The following OSBPL1A variants were observed in gnomAD, a reference collection of about 807,000 sequenced individuals.
OSBPL1A encodes the protein oxysterol-binding protein-related protein 1.
In OSBPL1A, 80 loss-of-function variants were observed where a neutral mutation model predicts 137.1. That is an observed-to-expected ratio of 0.58 (90% confidence interval 0.49 to 0.70). The LOEUF is 0.70. OSBPL1A is among the 30% of genes least tolerant of loss of function. The pLI is 0.00. For missense variants in OSBPL1A, 970 were observed against 1,129.4 expected, an observed-to-expected ratio of 0.86 and a Z score of 2.02; for synonymous variants, 365 against 389.7, an observed-to-expected ratio of 0.94 and a Z score of 0.75.
chr18:24,248,865 A>G (rs1187811967), intron 15 of OSBPL1A, among the ~76,000 whole-genome samples: 1 of 152,240 alleles, frequency 6.6e-6, no homozygotes, highest in East Asian at 1.9e-4. Context: ...ATTTAAAAAT[A>G]ACTTCCCATA....
chr18:24,171,165 C>T (rs2086275449), intron 23 of OSBPL1A, among the ~76,000 whole-genome samples: 1 of 151,762 alleles, frequency 6.6e-6, no homozygotes, highest in South Asian at 2.1e-4. Flanking sequence ...CTCCCAATGG[C>T]TGGGATTACA....
At chr18:24,212,494 A>G (rs902668347) in intron 17 of OSBPL1A, among the ~76,000 whole-genome samples, 1 of 152,212 alleles carries the variant, frequency 6.6e-6, no homozygotes. Context: ...ACTCATCTTT[A>G]GTAGTTCACC....
intron 17 of OSBPL1A, among the ~76,000 whole-genome samples, chr18:24,213,374 C>G (rs1188094950): frequency 2.0e-5 from 3 of 152,138 alleles, no homozygotes; most frequent in African/African-American, 7.2e-5. Context: ...TCGAGACCAG[C>G]CTGGGCAACA....
At position 24,167,481 on chromosome 18, in the gene OSBPL1A, A is replaced by G. The variant is rs376586496; in HGVS notation, c.2419-36T>C. 34 of 1,561,944 alleles carry G rather than the reference A, an allele frequency of 2.2e-5. No individual in the cohort carries two copies. The African/African-American group carries it at 2.4e-4, about 11-fold the overall frequency. On this transcript the variant is annotated intron_variant, in intron 24 of 27. Coordinates refer to ENST00000319481, the MANE Select transcript of OSBPL1A (RefSeq NM_080597.4). ...CAATCAATGAACAAAATTTAAGTAGAAAGTTTTAAGATACAGTCAAGCACC... is the reference window on the plus strand; with the variant it reads ...CAATCAATGAACAAAATTTAAGTAGGAAGTTTTAAGATACAGTCAAGCACC...
intron 21 of OSBPL1A, among the ~76,000 whole-genome samples, chr18:24,174,117 G>A (rs758011134): frequency 6.6e-6 from 1 of 152,212 alleles, no homozygotes; most frequent in East Asian, 1.9e-4. Context: ...CAGTTTGTGT[G>A]ACCATTCACC....
At chr18:24,212,238 T>C (rs1374229911) in intron 17 of OSBPL1A, among the ~76,000 whole-genome samples, 1 of 151,572 alleles carries the variant, frequency 6.6e-6, no homozygotes, top group Non-Finnish European at 1.5e-5. Context: ...TGGCTAATTT[T>C]TTTTTTTTTA....
At position 24,271,744 on chromosome 18, in the gene OSBPL1A, G is replaced by A. The variant is rs1369101024; in HGVS notation, c.1281+9098C>T. Reference sequence around the variant, plus strand: ...CAGTCGAGCCGAGGCGAGCCGATCCGGGAGGCGCGACCCAGGGCGGCCCGC... The same window carrying A: ...CAGTCGAGCCGAGGCGAGCCGATCCAGGAGGCGCGACCCAGGGCGGCCCGC... On this transcript the variant is annotated intron_variant, in intron 15 of 27. Coordinates refer to ENST00000319481, the MANE Select transcript of OSBPL1A (RefSeq NM_080597.4). The surrounding 1 kb of genome is among the most constrained non-coding windows in gnomAD (Gnocchi z 4.0). The A allele has an allele frequency of 1.3e-5, 13 of 985,508 alleles. No individual in the cohort carries two copies. Among genetic ancestry groups the A allele is most frequent in the African/African-American group, 1.7e-5 (1 of 57,240 alleles). The allele number at this position is 985,508 out of a possible 1,614,324, so 61.0% of individuals were successfully genotyped here.
intron 15 of OSBPL1A, among the ~76,000 whole-genome samples, chr18:24,251,377 T>A (rs1400082269): frequency 1.3e-5 from 2 of 152,180 alleles, no homozygotes; most frequent in Non-Finnish European, 2.9e-5. Context: ...TGCATCACCA[T>A]ACACCCAGTT....
chr18:24,204,592 C>A (rs973261331), intron 17 of OSBPL1A, among the ~76,000 whole-genome samples: 2 of 148,588 alleles, frequency 1.3e-5, no homozygotes, highest in African/African-American at 2.5e-5. Flanking sequence ...TGTTCCCATT[C>A]TCTAAATGAT....
At chr18:24,215,798 A>G (rs962610821) in intron 17 of OSBPL1A, among the ~76,000 whole-genome samples, 2 of 152,230 alleles carry the variant, frequency 1.3e-5, no homozygotes, top group South Asian at 2.1e-4. Context: ...GCAGACCATT[A>G]AAAGGCTGTT....
intron 5 of OSBPL1A, among the ~76,000 whole-genome samples, chr18:24,338,971 C>T (rs1338235387): frequency 1.3e-5 from 2 of 152,114 alleles, no homozygotes; most frequent in Non-Finnish European, 2.9e-5. Context: ...CTCAGCTTCC[C>T]AAAGTGCTGG....
At chr18:24,255,820 G>A (rs140330147) in intron 15 of OSBPL1A, among the ~76,000 whole-genome samples, 92 of 148,846 alleles carry the variant, frequency 6.2e-4, no homozygotes, top group African/African-American at 1.9e-3. Context: ...GCAGTGGTGC[G>A]CTCTCTGCTC....
intron 15 of OSBPL1A, among the ~76,000 whole-genome samples, chr18:24,278,156 A>G (rs1042258831): frequency 6.6e-6 from 1 of 152,244 alleles, no homozygotes; most frequent in East Asian, 1.9e-4. Context: ...AGCTTGCTAT[A>G]TGGTTTCCCT....
At chr18:24,223,051 A>AT (rs937138474) in intron 17 of OSBPL1A, among the ~76,000 whole-genome samples, 2 of 152,054 alleles carry the variant, frequency 1.3e-5, no homozygotes, top group African/African-American at 4.8e-5. Flanking sequence ...CTTCAAATAA[A>AT]TTTTTTGGTC....
chr18:24,300,340 A>C (rs1035545502), intron 14 of OSBPL1A, among the ~76,000 whole-genome samples: 2 of 152,254 alleles, frequency 1.3e-5, no homozygotes, highest in Non-Finnish European at 2.9e-5. Flanking sequence ...TGGCCAGACT[A>C]TGAAAATCTT....
chr18:24,383,296 A>G (rs1252178259), intron 1 of OSBPL1A, among the ~76,000 whole-genome samples: 1 of 152,258 alleles, frequency 6.6e-6, no homozygotes. Context: ...AAGGTTTAAT[A>G]TTCTTTTCAT....
chr18:24,360,584 A>G (rs1173124146), intron 4 of OSBPL1A, among the ~76,000 whole-genome samples: 3 of 152,374 alleles, frequency 2.0e-5, no homozygotes, highest in Admixed American at 2.0e-4. Flanking sequence ...AACAGATAAC[A>G]AAATACAGCA....
intron 15 of OSBPL1A, among the ~76,000 whole-genome samples, chr18:24,270,947 C>T (rs546169648): frequency 1.3e-5 from 2 of 152,182 alleles, no homozygotes; most frequent in Non-Finnish European, 2.9e-5. Flanking sequence ...CACCCTCTCT[C>T]CAAACCCAGA....
intron 17 of OSBPL1A, among the ~76,000 whole-genome samples, chr18:24,223,592 T>C (rs893118476): frequency 6.6e-6 from 1 of 152,150 alleles, no homozygotes; most frequent in African/African-American, 2.4e-5. Flanking sequence ...ATCTTAACTT[T>C]CACATTTGTA....
Sources: allele counts gnomAD v4.1 joint callset (sites outside exome capture counted in the v4.1 genomes callset), GRCh38; gene constraint gnomAD v4.1.1; non-coding constraint Gnocchi (gnomAD v3.1); transcripts MANE v1.5; gene names NCBI Gene and HGNC (gene_info 2026-07-23, HGNC 2026-07-21).